FER1L6: variants seen among roughly 807,000 people sequenced by gnomAD.
The protein encoded by FER1L6 is fer-1 like family member 6, also known as fer-1-like protein 6.
In FER1L6, 177 loss-of-function variants were observed where a neutral mutation model predicts 219.2. The observed-to-expected ratio is 0.81, with a 90% CI of 0.71 to 0.91. FER1L6 has a LOEUF of 0.91. FER1L6 is among the 40% of genes least tolerant of loss of function. The pLI is 0.00. For missense variants in FER1L6, 2,153 were observed against 2,259.9 expected, an observed-to-expected ratio of 0.95 and a Z score of 0.96; for synonymous variants, 768 against 824.3, an observed-to-expected ratio of 0.93 and a Z score of 1.17.
chr8:124,025,502 A>G (rs1223351773), intron 18 of FER1L6, among the ~76,000 whole-genome samples: 2 of 152,120 alleles, frequency 1.3e-5, no homozygotes, highest in East Asian at 1.9e-4. Flanking sequence ...ATTTGACTTC[A>G]TTTCTAGGTT....
chr8:123,970,246 G>A (rs1815739848), intron 6 of FER1L6, 149 bp downstream of exon 6: 2 of 724,302 alleles, frequency 2.8e-6, no homozygotes. Flanking sequence ...GGCAGAACTT[G>A]AAATCACCAG....
At chr8:123,913,850 A>G (rs1813111351) in intron 1 of FER1L6, among the ~76,000 whole-genome samples, 1 of 152,294 alleles carries the variant, frequency 6.6e-6, no homozygotes, top group East Asian at 1.9e-4. Context: ...AAAAAAAAAA[A>G]ACTAAAATAC....
rs1208378357 is a variant in FER1L6 at position 124,101,134 on chromosome 8, G to A, written c.4921G>A (p.Asp1641Asn). 7 of 1,613,698 alleles carry A rather than the reference G, an allele frequency of 4.3e-6. No homozygotes were observed. The highest frequency in any genetic ancestry group is 2.7e-5 in the African/African-American group (2 of 74,870). Reference protein sequence around the residue: ...KGLEDDKQETDVHYNSLTGEG... With the variant: ...KGLEDDKQETNVHYNSLTGEG... ...CTTGGAGGATGACAAGCAGGAGACA[G>A]ATGTGCATTACAACTCCCTGACTGG... Residue 1641 changes from aspartate to asparagine, a missense_variant, in exon 38 of 41, where the codon GAT (aspartate) becomes AAT (asparagine). Coordinates refer to ENST00000522917, the MANE Select transcript of FER1L6 (RefSeq NM_001039112.2).
chr8:124,091,338 G>A (rs1364390970), intron 33 of FER1L6, 85 bp from the exon 34 acceptor site: 1 of 1,132,282 alleles, frequency 8.8e-7, no homozygotes, highest in African/African-American at 1.6e-5. Flanking sequence ...AGAATAGCAA[G>A]TTAAATCTGA....
At chr8:123,973,094 A>G (rs938556498) in intron 6 of FER1L6, among the ~76,000 whole-genome samples, 7 of 152,048 alleles carry the variant, frequency 4.6e-5, no homozygotes, top group African/African-American at 1.7e-4. Context: ...GTTTGGGGGG[A>G]CTGAATGGCG....
At chr8:123,978,392 G>A (rs1816185168) in intron 10 of FER1L6, among the ~76,000 whole-genome samples, 1 of 152,148 alleles carries the variant, frequency 6.6e-6, no homozygotes, top group South Asian at 2.1e-4. Context: ...CAGGGTGGGA[G>A]CTGAGAGCTG....
rs575955113 is a variant in FER1L6, at chr8:124,070,368, C to A, written c.3835-99C>A. 1.9e-3 allele frequency: 2,535 copies of A among 1,324,156 alleles called. 6 individuals are homozygous for A. Among genetic ancestry groups the A allele is most frequent in the Middle Eastern group, 2.0e-3 (10 of 5,096 alleles). The allele number at this position is 1,324,156 out of a possible 1,614,324, so 82.0% of individuals were successfully genotyped here. A position where few individuals can be genotyped will look rare whatever the true frequency, so the allele number is the denominator to read the frequency against. The stretch of plus-strand genomic sequence containing the variant: ...AGTGGCCTCAGATTTTCCCAAGGGG[C>A]ATATATCAAGGCTGGTTTTGGAGAA... On this transcript the variant is annotated intron_variant, in intron 29 of 40. Coordinates refer to ENST00000522917, the MANE Select transcript of FER1L6 (RefSeq NM_001039112.2).
At chr8:123,962,152 G>A (rs1815318526) in intron 2 of FER1L6, among the ~76,000 whole-genome samples, 1 of 152,154 alleles carries the variant, frequency 6.6e-6, no homozygotes, top group African/African-American at 2.4e-5. Flanking sequence ...GCCTTCCAAA[G>A]TGCTGGGATT....
chr8:123,906,145 T>G (rs1812948985), intron 1 of FER1L6, among the ~76,000 whole-genome samples: 1 of 152,202 alleles, frequency 6.6e-6, no homozygotes, highest in Non-Finnish European at 1.5e-5. Flanking sequence ...CACTGACCCT[T>G]GGCCCAACTG....
chr8:123,881,301 T>TA (rs1817104982), intron 1 of FER1L6, among the ~76,000 whole-genome samples: 1 of 151,966 alleles, frequency 6.6e-6, no homozygotes, highest in South Asian at 2.1e-4. Context: ...TTCATGAGGG[T>TA]AGGGTAGAAT....
chr8:124,025,095 A>G (rs1231943802), intron 18 of FER1L6, among the ~76,000 whole-genome samples: 1 of 151,916 alleles, frequency 6.6e-6, no homozygotes, highest in Non-Finnish European at 1.5e-5. Flanking sequence ...TAGATTCTGG[A>G]TATTAGTCCT....
At chr8:124,087,344 A>C (rs1821826111) in intron 33 of FER1L6, among the ~76,000 whole-genome samples, 1 of 151,948 alleles carries the variant, frequency 6.6e-6, no homozygotes, top group African/African-American at 2.4e-5. Context: ...CTTCTGCTTG[A>C]TTAATTCTGC....
chr8:123,864,554 T>G (rs1312103110), intron 1 of FER1L6, among the ~76,000 whole-genome samples: 1 of 149,726 alleles, frequency 6.7e-6, no homozygotes, highest in Non-Finnish European at 1.5e-5. Context: ...GAAGTTCTCC[T>G]GGATAATATC....
chr8:124,071,462 C>T lies in FER1L6; in HGVS notation c.3967-44C>T, dbSNP rs1427605214. 10 of 1,610,700 alleles carry T rather than the reference C, an allele frequency of 6.2e-6. No homozygotes were observed. The South Asian group carries it at 6.6e-5, about 11-fold the overall frequency. ...GTGCTCTCTGTGGGTTTTGGTGGGACATATGACCATCTCATTTCAATGGGT... is the reference window on the plus strand; with the variant it reads ...GTGCTCTCTGTGGGTTTTGGTGGGATATATGACCATCTCATTTCAATGGGT... On this transcript the variant is annotated intron_variant, in intron 30 of 40. Transcript: ENST00000522917.
At chr8:123,856,763 C>T (rs1301564687) in intron 1 of FER1L6, among the ~76,000 whole-genome samples, 1 of 151,990 alleles carries the variant, frequency 6.6e-6, no homozygotes, top group Non-Finnish European at 1.5e-5. Flanking sequence ...ATTATTTTCA[C>T]AGAATTTAGT....
chr8:123,920,000 C>T (rs985245910), intron 1 of FER1L6, among the ~76,000 whole-genome samples: 1 of 152,240 alleles, frequency 6.6e-6, no homozygotes, highest in South Asian at 2.1e-4. Flanking sequence ...CACATGTACA[C>T]TGTCCCATCA....
At chr8:124,083,016 A>ACG (rs2130916225) in intron 33 of FER1L6, among the ~76,000 whole-genome samples, 1 of 104,102 alleles carries the variant, frequency 9.6e-6, no homozygotes, top group East Asian at 2.4e-4. Context: ...ATATACACAC[A>ACG]CATATGGGGT....
intron 12 of FER1L6, 57 bp downstream of exon 12, chr8:123,986,233 T>C: frequency 9.4e-7 from 1 of 1,066,542 alleles, no homozygotes; most frequent in Non-Finnish European, 1.4e-6. Flanking sequence ...ATCTATTTCT[T>C]GAATAAATGA....
intron 1 of FER1L6, among the ~76,000 whole-genome samples, chr8:123,874,569 A>G (rs1284456796): frequency 6.6e-6 from 1 of 152,226 alleles, no homozygotes; most frequent in Non-Finnish European, 1.5e-5. Flanking sequence ...CTACCAATAC[A>G]TCTACTGATA....
Sources: allele counts gnomAD v4.1 joint callset (sites outside exome capture counted in the v4.1 genomes callset), GRCh38; gene constraint gnomAD v4.1.1; transcripts MANE v1.5; gene names NCBI Gene and HGNC (gene_info 2026-07-23, HGNC 2026-07-21).